Variants in RAB38 observed in about 807,000 individuals in gnomAD.
The protein encoded by RAB38 is ras-related protein Rab-38.
In RAB38, 15 loss-of-function variants were observed where a neutral mutation model predicts 18.4. That is an observed-to-expected ratio of 0.82 (90% CI 0.55 to 1.26). The LOEUF (loss-of-function observed/expected upper bound fraction) is 1.26, where lower values mean the gene tolerates loss of function less well. Among genes scored for constraint, RAB38 ranks in the 50% most tolerant of loss-of-function variants. RAB38 has a pLI of 0.00. For missense variants in RAB38, 294 were observed against 267.4 expected, an observed-to-expected ratio of 1.10 and a Z score of -0.69; for synonymous variants, 101 against 104.4, an observed-to-expected ratio of 0.97 and a Z score of 0.20.
chr11:87,975,080 G>A, the RAB38 span, among the ~76,000 whole-genome samples: 1 of 151,762 alleles, frequency 6.6e-6, no homozygotes, highest in African/African-American at 2.4e-5. Context: ...TTAGCTTATA[G>A]ACACCTCACT....
the RAB38 span, among the ~76,000 whole-genome samples, chr11:88,076,554 G>C: frequency 1.3e-5 from 2 of 152,154 alleles, no homozygotes; most frequent in Admixed American, 6.5e-5. Flanking sequence ...CGATAGAACT[G>C]ATAAATGAAT....
the RAB38 span, among the ~76,000 whole-genome samples, chr11:87,896,385 T>C: frequency 1.8e-3 from 271 of 151,720 alleles, no homozygotes; most frequent in African/African-American, 6.2e-3. Context: ...ATTTGAAATC[T>C]GGAGGGACCA....
At chr11:88,083,814 G>A in the RAB38 span, among the ~76,000 whole-genome samples, 7 of 152,016 alleles carry the variant, frequency 4.6e-5, no homozygotes, top group Non-Finnish European at 8.8e-5. Context: ...CAGGGCCCTC[G>A]CCAAACACTG....
chr11:88,070,067 C>T, the RAB38 span, among the ~76,000 whole-genome samples: 1 of 152,174 alleles, frequency 6.6e-6, no homozygotes, highest in African/African-American at 2.4e-5. Context: ...TCCCCTTCCA[C>T]ACTGTGGAAG....
chr11:87,859,180 T>C, the RAB38 span, among the ~76,000 whole-genome samples: 1 of 151,774 alleles, frequency 6.6e-6, no homozygotes, highest in South Asian at 2.1e-4. Context: ...ATTTTAAAAA[T>C]AGGAAAAATA....
At chr11:87,849,389 G>T in the RAB38 span, among the ~76,000 whole-genome samples, 1 of 152,118 alleles carries the variant, frequency 6.6e-6, no homozygotes, top group Admixed American at 6.6e-5. Context: ...AGAATTGGCA[G>T]CTGAGATCTG....
the RAB38 span, among the ~76,000 whole-genome samples, chr11:87,928,610 ACT>A: frequency 1.3e-5 from 2 of 152,188 alleles, no homozygotes; most frequent in East Asian, 3.9e-4. Flanking sequence ...AAAAAATTCC[ACT>A]GTTTGTTAAA....
At chr11:87,955,717 T>C in the RAB38 span, among the ~76,000 whole-genome samples, 1 of 152,118 alleles carries the variant, frequency 6.6e-6, no homozygotes. Flanking sequence ...TCCATTGAGC[T>C]AGGCATTCAT....
chr11:87,945,302 ATTTAC>A, the RAB38 span, among the ~76,000 whole-genome samples: 1 of 152,180 alleles, frequency 6.6e-6, no homozygotes, highest in African/African-American at 2.4e-5. Flanking sequence ...AAAGAAGTAC[ATTTAC>A]AAATGTGGAC....
chr11:88,124,037 G>A (rs1275449616), intron 2 of RAB38, among the ~76,000 whole-genome samples: 2 of 152,166 alleles, frequency 1.3e-5, no homozygotes, highest in African/African-American at 4.8e-5. Context: ...TAGCATAAAT[G>A]AAACTATTTC....
At chr11:87,948,889 T>A in the RAB38 span, among the ~76,000 whole-genome samples, 1 of 151,912 alleles carries the variant, frequency 6.6e-6, no homozygotes, top group African/African-American at 2.4e-5. Context: ...GGTATCAGGA[T>A]GATGCTGGCC....
At chr11:88,036,960 G>C in the RAB38 span, among the ~76,000 whole-genome samples, 2 of 151,962 alleles carry the variant, frequency 1.3e-5, no homozygotes, top group African/African-American at 2.4e-5. Context: ...AGTTTTGTGT[G>C]TGTGTCTTTG....
the RAB38 span, among the ~76,000 whole-genome samples, chr11:87,968,047 A>G: frequency 5.9e-5 from 9 of 152,202 alleles, no homozygotes; most frequent in African/African-American, 1.7e-4. Context: ...TTTCAGTAAT[A>G]AAGTTGATAT....
At chr11:87,950,703 G>C in the RAB38 span, among the ~76,000 whole-genome samples, 1 of 152,138 alleles carries the variant, frequency 6.6e-6, no homozygotes, top group Non-Finnish European at 1.5e-5. Flanking sequence ...TAAGAATCTT[G>C]AATATTGGCC....
chr11:87,834,650 G>T, the RAB38 span, among the ~76,000 whole-genome samples: 1 of 152,126 alleles, frequency 6.6e-6, no homozygotes, highest in Non-Finnish European at 1.5e-5. Context: ...GAGCTCAAAA[G>T]TTCTTTGTTA....
chr11:88,142,245 T>G (rs1942924185), intron 2 of RAB38, among the ~76,000 whole-genome samples: 1 of 152,212 alleles, frequency 6.6e-6, no homozygotes, highest in South Asian at 2.1e-4. Flanking sequence ...GACACAAGGC[T>G]GCATGCATGG....
the RAB38 span, among the ~76,000 whole-genome samples, chr11:87,972,106 C>T: frequency 4.6e-5 from 7 of 151,882 alleles, no homozygotes; most frequent in Non-Finnish European, 1.0e-4. Flanking sequence ...TTACAGAGTG[C>T]CATGGAAATA....
chr11:88,037,732 T>A, the RAB38 span, among the ~76,000 whole-genome samples: 1 of 152,190 alleles, frequency 6.6e-6, no homozygotes, highest in Non-Finnish European at 1.5e-5. Flanking sequence ...ATAATGCTTT[T>A]GACATTCATC....
the RAB38 span, among the ~76,000 whole-genome samples, chr11:88,049,529 G>A: frequency 0.6 from 90,544 of 151,076 alleles, 28,070 homozygotes; most frequent in Non-Finnish European, 0.68. Flanking sequence ...GTCTCCCTTC[G>A]CTGACTCTCT....
Sources: allele counts gnomAD v4.1 joint callset (sites outside exome capture counted in the v4.1 genomes callset), GRCh38; gene constraint gnomAD v4.1.1; transcripts MANE v1.5; gene names NCBI Gene and HGNC (gene_info 2026-07-23, HGNC 2026-07-21).